Variants in IL1RAPL2 observed in about 807,000 individuals in gnomAD.
The protein encoded by IL1RAPL2 is X-linked interleukin-1 receptor accessory protein-like 2.
Under a neutral mutation model 44.1 loss-of-function variants are expected in IL1RAPL2, and 3 were observed. That is an observed-to-expected ratio of 0.07 (90% CI 0.03 to 0.18). IL1RAPL2 has a LOEUF of 0.18. IL1RAPL2 is among the 10% of genes least tolerant of loss of function. The probability of loss-of-function intolerance (pLI) is 1.00; values close to 1 mark genes in which losing one functional copy is unlikely to be tolerated. For missense variants in IL1RAPL2, 391 were observed against 496.4 expected (o/e 0.79, Z 2.02); for synonymous variants, 181 against 178.8 (o/e 1.01, Z -0.10).
At chrX:105,112,215 G>A (rs1386238406) in intron 2 of IL1RAPL2, among the ~76,000 whole-genome samples, 1 of 112,295 alleles carries the variant, frequency 8.9e-6, no homozygotes, top group Non-Finnish European at 1.9e-5. Context: ...CACTACAGGA[G>A]TATCTGCCTC....
chrX:105,260,598 G>T (rs1328480703), intron 4 of IL1RAPL2, among the ~76,000 whole-genome samples: 2 of 101,460 alleles, frequency 2.0e-5, no homozygotes, highest in African/African-American at 7.3e-5. Context: ...TCTGTTGGTT[G>T]GAAAATACCA....
chrX:104,983,597 T>G (rs868700957), intron 2 of IL1RAPL2, among the ~76,000 whole-genome samples: 3 of 70,814 alleles, frequency 4.2e-5, no homozygotes, highest in African/African-American at 1.5e-4. Flanking sequence ...TAATATATTA[T>G]ATGCATAATA....
intron 1 of IL1RAPL2, among the ~76,000 whole-genome samples, chrX:104,646,818 A>G (rs1324535967): frequency 9.0e-6 from 1 of 111,544 alleles, no homozygotes; most frequent in African/African-American, 3.3e-5. Context: ...GGTCACAAAT[A>G]ATTGGCCAGA....
intron 2 of IL1RAPL2, among the ~76,000 whole-genome samples, chrX:104,777,540 CAAT>C: frequency 2.4e-5 from 2 of 84,146 alleles, no homozygotes; most frequent in Middle Eastern, 0.012. Flanking sequence ...ACTCTGCTTT[CAAT>C]TATTATTATT....
intron 2 of IL1RAPL2, among the ~76,000 whole-genome samples, chrX:104,727,670 T>C (rs1931822611): frequency 9.0e-6 from 1 of 111,616 alleles, no homozygotes; most frequent in South Asian, 3.7e-4. Context: ...ACAGCAAAGA[T>C]ATGAAATCAA....
intron 2 of IL1RAPL2, among the ~76,000 whole-genome samples, chrX:105,160,251 G>C (rs1233396311): frequency 1.8e-5 from 2 of 110,717 alleles, no homozygotes; most frequent in African/African-American, 6.6e-5. Context: ...CAGGTTTCTC[G>C]TGGATGATTC....
At chrX:105,169,679 C>T (rs1291799640) in intron 2 of IL1RAPL2, among the ~76,000 whole-genome samples, 10 of 106,417 alleles carry the variant, frequency 9.4e-5, no homozygotes, top group African/African-American at 3.5e-4. Context: ...CAGGTGCATG[C>T]CACCACACCT....
At chrX:105,099,778 T>C (rs1305877341) in intron 2 of IL1RAPL2, among the ~76,000 whole-genome samples, 9 of 110,312 alleles carry the variant, frequency 8.2e-5, no homozygotes, top group Non-Finnish European at 1.7e-4. Flanking sequence ...CACACACTTT[T>C]AAACAACCAG....
At chrX:105,408,312 G>A (rs2035665244) in intron 5 of IL1RAPL2, among the ~76,000 whole-genome samples, 1 of 111,077 alleles carries the variant, frequency 9.0e-6, no homozygotes, top group Non-Finnish European at 1.9e-5. Flanking sequence ...CAGAGGAAGG[G>A]CCTGTACCTC....
At chrX:105,158,938 G>C (rs1201074209) in intron 2 of IL1RAPL2, among the ~76,000 whole-genome samples, 1 of 111,630 alleles carries the variant, frequency 9.0e-6, no homozygotes, top group Non-Finnish European at 1.9e-5. Context: ...ATTCCCTGCT[G>C]TGCTTTCTAC....
chrX:104,959,859 C>T (rs974334944), intron 2 of IL1RAPL2, among the ~76,000 whole-genome samples: 10 of 111,801 alleles, frequency 8.9e-5, no homozygotes, highest in African/African-American at 3.3e-4. Flanking sequence ...TCTTTCAAGC[C>T]TCTCTCACAT....
At chrX:104,729,748 A>G (rs1931867583) in intron 2 of IL1RAPL2, among the ~76,000 whole-genome samples, 1 of 110,345 alleles carries the variant, frequency 9.1e-6, no homozygotes, top group Non-Finnish European at 1.9e-5. Flanking sequence ...TACAAGTGAG[A>G]ACATGTGGTA....
chrX:105,250,580 T>C (rs2034261143), intron 4 of IL1RAPL2, among the ~76,000 whole-genome samples: 1 of 110,658 alleles, frequency 9.0e-6, no homozygotes, highest in African/African-American at 3.3e-5. Context: ...AAAAACAAAA[T>C]TTATTATAGG....
chrX:104,767,560 C>T (rs760225328), intron 2 of IL1RAPL2, among the ~76,000 whole-genome samples: 4 of 111,575 alleles, frequency 3.6e-5, no homozygotes, highest in Non-Finnish European at 5.6e-5. Context: ...TACTTAACAC[C>T]TTTTGGGTTT....
At position 104,946,330 on chromosome X, in the gene IL1RAPL2, G is replaced by A. The variant is rs775227858; in HGVS notation, c.83-249145G>A. On this transcript the variant is annotated intron_variant, in intron 2 of 10. Transcript: ENST00000372582. ...GGAGCTTGCAGTGAGCCGAGATTGCGCCACTGCAGTCCGCAGTCTGGCCTG... is the reference window on the plus strand; with the variant it reads ...GGAGCTTGCAGTGAGCCGAGATTGCACCACTGCAGTCCGCAGTCTGGCCTG... Among the ~76,000 whole-genome samples, 17 of 74,035 alleles carry A rather than the reference G, an allele frequency of 2.3e-4. No homozygotes were observed. The South Asian group carries it at 3.5e-3, about 15-fold the overall frequency. 64.3% of individuals were successfully genotyped at this position (74,035 alleles called of 115,157 possible). A position where few individuals can be genotyped will look rare whatever the true frequency, so the allele number is the denominator to read the frequency against.
chrX:105,519,255 A>G (rs1218109075), intron 6 of IL1RAPL2, among the ~76,000 whole-genome samples: 2 of 111,930 alleles, frequency 1.8e-5, no homozygotes, highest in African/African-American at 6.5e-5. Flanking sequence ...CTAGACCATA[A>G]AAGATCCTAT....
intron 2 of IL1RAPL2, among the ~76,000 whole-genome samples, chrX:104,907,241 T>C (rs1924044526): frequency 8.9e-6 from 1 of 111,864 alleles, no homozygotes; most frequent in African/African-American, 3.3e-5. Context: ...TGTTGATCCT[T>C]TCAAAAAACC....
intron 6 of IL1RAPL2, among the ~76,000 whole-genome samples, chrX:105,609,999 T>C (rs759049873): frequency 1.8e-5 from 2 of 112,097 alleles, no homozygotes; most frequent in South Asian, 7.4e-4. Context: ...ATCAAATTCA[T>C]GGAGTTATTT....
chrX:105,456,576 A>G (rs759202461), intron 5 of IL1RAPL2, among the ~76,000 whole-genome samples: 2 of 111,446 alleles, frequency 1.8e-5, no homozygotes, highest in African/African-American at 6.5e-5. Flanking sequence ...TATTGAGGTA[A>G]TCATGTGGTT....
Sources: gnomAD v4.1 joint callset for allele counts (sites outside exome capture counted in the v4.1 genomes callset) on GRCh38, gnomAD v4.1.1 for gene constraint, MANE v1.5 for transcripts, NCBI Gene and HGNC (gene_info 2026-07-23, HGNC 2026-07-21) for gene names.